Variants in AGBL1 observed in about 807,000 individuals in gnomAD.
AGBL1 encodes AGBL carboxypeptidase 1.
A neutral mutation model predicts 118.9 loss-of-function variants in AGBL1; 130 were observed. The ratio of observed to expected loss-of-function variants is 1.09; its 90% CI spans 0.95 to 1.26. The LOEUF (loss-of-function observed/expected upper bound fraction) is 1.26. Ranked by LOEUF, AGBL1 falls within the 50% of genes most tolerant of loss-of-function variation. The pLI, the probability that AGBL1 is intolerant of heterozygous loss-of-function variation, is 0.00. For synonymous variants in AGBL1, 555 were observed against 478.9 expected (o/e 1.16, Z -2.08); for missense variants, 1,584 against 1,298.1 (o/e 1.22, Z -3.38).
At chr15:86,830,754 C>T (rs2079094205) in intron 22 of AGBL1, among the ~76,000 whole-genome samples, 1 of 152,184 alleles carries the variant, frequency 6.6e-6, no homozygotes, top group Admixed American at 6.6e-5. Flanking sequence ...TTTGTCCTTA[C>T]TGGACTTAAT....
intron 22 of AGBL1, among the ~76,000 whole-genome samples, chr15:86,899,404 G>GA (rs1012276417): frequency 3.3e-5 from 5 of 152,086 alleles, no homozygotes; most frequent in Admixed American, 6.5e-5. Context: ...GGGGAGGAGG[G>GA]AGAGGAGCAG....
At chr15:86,329,480 A>C (rs770416362) in intron 17 of AGBL1, among the ~76,000 whole-genome samples, 24 of 151,692 alleles carry the variant, frequency 1.6e-4, no homozygotes, top group Non-Finnish European at 3.4e-4. Flanking sequence ...TATTTGGAGC[A>C]CCCGCTCACC....
At chr15:86,410,835 TATA>T (rs1208233279) in intron 18 of AGBL1, among the ~76,000 whole-genome samples, 1 of 102,614 alleles carries the variant, frequency 9.7e-6, no homozygotes, top group Non-Finnish European at 1.9e-5. Context: ...TATATATATA[TATA>T]TATAATATAC....
intron 15 of AGBL1, among the ~76,000 whole-genome samples, chr15:86,275,086 C>T (rs992794052): frequency 9.2e-5 from 14 of 152,080 alleles, no homozygotes; most frequent in Non-Finnish European, 1.6e-4. Flanking sequence ...TATTTAGTTC[C>T]CTGTGGTCTG....
At chr15:86,421,687 G>A (rs2081792224) in intron 18 of AGBL1, among the ~76,000 whole-genome samples, 2 of 152,274 alleles carry the variant, frequency 1.3e-5, no homozygotes, top group East Asian at 1.9e-4. Flanking sequence ...ACCAATCGGT[G>A]TGCTGTATTC....
chr15:86,559,269 T>A (rs1244608445), intron 21 of AGBL1, among the ~76,000 whole-genome samples: 2 of 152,178 alleles, frequency 1.3e-5, no homozygotes, highest in East Asian at 3.9e-4. Flanking sequence ...GACATTCTGA[T>A]AAGGAGATAA....
In AGBL1 at chr15:86,892,124, A is replaced by AT. The variant is rs370811958; in HGVS notation, c.3159-14963_3159-14962insT. ...ATGAATTGATTCAGCAAGTTTGACT[A>AT]AACAGGTCAAACACCGTCTCTCCTT... is the stretch of plus-strand genomic sequence containing the variant. On this transcript the variant is annotated intron_variant, in intron 22 of 22. Coordinates refer to ENST00000614907, the MANE Select transcript of AGBL1 (RefSeq NM_001386094.1). Among the ~76,000 whole-genome samples, 374 of 152,260 alleles carry AT rather than the reference A, an allele frequency of 2.5e-3. 3 individuals carry two copies. Among genetic ancestry groups the AT allele is most frequent in the African/African-American group, 8.5e-3 (354 of 41,560 alleles).
intron 19 of AGBL1, among the ~76,000 whole-genome samples, chr15:86,524,301 T>A (rs544736095): frequency 9.7e-4 from 148 of 152,302 alleles, no homozygotes; most frequent in African/African-American, 3.4e-3. Flanking sequence ...CAGTGATTCC[T>A]TAGAAGGACT....
At chr15:86,711,809 T>A (rs1389978503) in intron 22 of AGBL1, among the ~76,000 whole-genome samples, 2 of 152,190 alleles carry the variant, frequency 1.3e-5, no homozygotes, top group Non-Finnish European at 1.5e-5. Flanking sequence ...ATATTTACTA[T>A]CTGGCACTTC....
chr15:86,814,505 T>G lies in AGBL1; in HGVS notation c.3159-92582T>G, dbSNP rs371943004. Among the ~76,000 whole-genome samples, 19 of 152,296 alleles carry G rather than the reference T, an allele frequency of 1.2e-4. 2 individuals carry two copies. The East Asian group carries it at 2.7e-3, about 22-fold the overall frequency. ...TGTGTTACAGATTTACATAAAAGCT[T>G]GCCCACAGAAGCATCTAGGTCACAG... On this transcript the variant is annotated intron_variant, in intron 22 of 22. Transcript: ENST00000614907.
At chr15:86,329,632 T>C (rs934583707) in intron 17 of AGBL1, among the ~76,000 whole-genome samples, 1 of 150,796 alleles carries the variant, frequency 6.6e-6, no homozygotes, top group Non-Finnish European at 1.5e-5. Context: ...TGGACATAGA[T>C]CATGGTGCAG....
chr15:86,552,526 AG>A (rs2083678285), intron 20 of AGBL1, among the ~76,000 whole-genome samples: 1 of 152,174 alleles, frequency 6.6e-6, no homozygotes, highest in Non-Finnish European at 1.5e-5. Context: ...CCAGCCCCCC[AG>A]GGGTCTGGAC....
Position 86,172,123 on chromosome 15 carries a change from A to G in AGBL1, c.488+13097A>G, listed in dbSNP as rs12917063. 8.9e-3 allele frequency among the ~76,000 whole-genome samples: 1,354 copies of G among 152,308 alleles called. 6 individuals are homozygous for G. Among genetic ancestry groups the G allele is most frequent in the Non-Finnish European group, 0.013 (888 of 68,026 alleles). On this transcript the variant is annotated intron_variant, in intron 5 of 22. Transcript: ENST00000614907. ...TCAGGTGATGGTGCACCAAAATCTC[A>G]GAAATCACCATTAAAGAACTTATTC...
intron 22 of AGBL1, among the ~76,000 whole-genome samples, chr15:86,694,953 C>CGA: frequency 6.6e-6 from 1 of 152,084 alleles, no homozygotes; most frequent in Non-Finnish European, 1.5e-5. Context: ...CCCACTCAAT[C>CGA]ATGGTGGATT....
chr15:86,919,573 GACACACACAC>G (rs376501612), downstream of AGBL1, among the ~76,000 whole-genome samples: 140 of 128,842 alleles, frequency 1.1e-3, 1 homozygote, highest in South Asian at 0.013. Context: ...TCCCTGTTGA[GACACACACAC>G]ACACACACAC....
chr15:86,916,648 C>G (rs545808620), downstream of AGBL1, among the ~76,000 whole-genome samples: 2 of 152,308 alleles, frequency 1.3e-5, no homozygotes, highest in South Asian at 4.2e-4. Context: ...TGGCTTTGGG[C>G]TGACCCTTTC....
intron 18 of AGBL1, among the ~76,000 whole-genome samples, chr15:86,455,144 GA>G (rs1346001911): frequency 6.6e-6 from 1 of 152,142 alleles, no homozygotes; most frequent in East Asian, 1.9e-4. Flanking sequence ...TAAAAGCAAT[GA>G]AAACAGTGCA....
intron 24 of AGBL1, among the ~76,000 whole-genome samples, chr15:87,004,513 C>T (rs1258485356): frequency 6.6e-6 from 1 of 152,096 alleles, no homozygotes; most frequent in Non-Finnish European, 1.5e-5. Flanking sequence ...ATTATAACCC[C>T]TGCCTTTTTT....
intron 21 of AGBL1, among the ~76,000 whole-genome samples, chr15:86,604,778 CT>C (rs60373077): frequency 0.016 from 2,366 of 145,508 alleles, 70 homozygotes; most frequent in African/African-American, 0.057. Context: ...CTTTTTCTTT[CT>C]TTTTTTTTCT....
Sources: gnomAD v4.1 joint callset for allele counts (sites outside exome capture counted in the v4.1 genomes callset) on GRCh38, gnomAD v4.1.1 for gene constraint, MANE v1.5 for transcripts, NCBI Gene and HGNC (gene_info 2026-07-23, HGNC 2026-07-21) for gene names.